Variants in ZC3H10 observed in about 807,000 individuals in gnomAD.
ZC3H10 encodes the protein zinc finger CCCH-type containing 10, also known as zinc finger CCCH domain-containing protein 10.
A neutral mutation model predicts 24.3 loss-of-function variants in ZC3H10; 12 were observed. The ratio of observed to expected loss-of-function variants is 0.49; its 90% CI spans 0.32 to 0.80. The LOEUF (loss-of-function observed/expected upper bound fraction) is 0.80. Among genes scored for constraint, ZC3H10 ranks in the 30% least tolerant of loss-of-function variants. The probability of loss-of-function intolerance (pLI) is 0.04; values close to 1 mark genes in which losing one functional copy is unlikely to be tolerated. For missense variants in ZC3H10, 360 were observed against 576.3 expected (o/e 0.62, Z 3.84); for synonymous variants, 226 against 217.0 (o/e 1.04, Z -0.36).
At chr12:56,120,422 A>G (rs779441426) in intron 2 of ZC3H10, 89 bp from the exon 3 acceptor site, 3 of 1,393,138 alleles carry the variant, frequency 2.2e-6, no homozygotes, top group Non-Finnish European at 2.8e-6. Context: ...CTCTAAAGCC[A>G]TTGCCCCTCT....
rs1869945712 is a variant in ZC3H10, at chr12:56,124,847, TA to T, written c.*2982del. On this transcript the variant is annotated 3_prime_UTR_variant, in exon 3 of 3. Coordinates refer to ENST00000257940, the MANE Select transcript of ZC3H10 (RefSeq NM_032786.3). ...CAATGTTAGAGATTTATATTAGCAA[TA>T]ATTCACATGAGAACAAACTGGGACT... 3 of 152,246 alleles carry T rather than the reference TA, an allele frequency of 2.0e-5. No individual in the cohort carries two copies. Among genetic ancestry groups the T allele is most frequent in the Non-Finnish European group, 4.4e-5 (3 of 68,036 alleles). 9.4% of individuals were successfully genotyped at this position (152,246 alleles called of 1,614,324 possible).
At position 56,123,935 on chromosome 12, in the gene ZC3H10, T is replaced by A. The variant is rs2136860173; in HGVS notation, c.*2068T>A. The A allele has an allele frequency of 6.6e-6, 1 of 151,254 alleles. No individual in the cohort carries two copies. Among genetic ancestry groups the A allele is most frequent in the East Asian group, 1.9e-4 (1 of 5,142 alleles). The allele number at this position is 151,254 out of a possible 1,614,324, so 9.4% of individuals were successfully genotyped here. A position where few individuals can be genotyped will look rare whatever the true frequency, so the allele number is the denominator to read the frequency against. On this transcript the variant is annotated 3_prime_UTR_variant, in exon 3 of 3. Coordinates refer to ENST00000257940, the MANE Select transcript of ZC3H10 (RefSeq NM_032786.3). ...ACACCTGGTAATTGAGCAAGTTGGG[T>A]TTAATGCTCATTGCAGTGAGGGGGA... is the stretch of plus-strand genomic sequence containing the variant.
chr12:56,120,574 G>A lies in ZC3H10; in HGVS notation c.12G>A (p.Arg4=), dbSNP rs1869779016. 1 of 1,548,568 alleles carries A rather than the reference G, an allele frequency of 6.5e-7. No homozygotes were observed. Among genetic ancestry groups the A allele is most frequent in the Admixed American group, 1.9e-5 (1 of 52,274 alleles). The change falls in exon 3 of 3, where the codon CGG becomes CGA. Residue 4 remains arginine, a synonymous_variant. Transcript: ENST00000257940. MPD[R]DSYANGTGSS... ...TGGGCGGGACCAGGATGCCTGACCG[G>A]GACAGCTATGCCAACGGTACCGGGA... is the stretch of plus-strand genomic sequence containing the variant.
rs763692695 is a variant in ZC3H10, at chr12:56,120,626, G to A, written c.64G>A (p.Gly22Ser). 1.0e-5 allele frequency: 16 copies of A among 1,599,272 alleles called. No homozygotes were observed. The highest frequency in any genetic ancestry group is 1.3e-5 in the Non-Finnish European group (15 of 1,171,822). Residue 22 changes from glycine (G) to serine (S), a missense_variant, in exon 3 of 3, where the codon GGC becomes AGC. Coordinates refer to ENST00000257940, the MANE Select transcript of ZC3H10 (RefSeq NM_032786.3). ...CAGCGGTGGAGGCCCTGGAGGTGGTGGCAGCGAGGAGGCCAGTGGGGCAGG... is the reference window on the plus strand; with the variant it reads ...CAGCGGTGGAGGCCCTGGAGGTGGTAGCAGCGAGGAGGCCAGTGGGGCAGG... The part of the protein sequence containing the change: ...GSSGGGPGGG[G>S]SEEASGAGVG...
Position 56,120,642 on chromosome 12 carries a change from G to T in ZC3H10, c.80G>T (p.Ser27Ile). The T allele has an allele frequency of 6.2e-7, 1 of 1,608,478 alleles. No homozygotes were observed. The highest frequency in any genetic ancestry group is 8.5e-7 in the Non-Finnish European group (1 of 1,176,686). ...GPGGGGSEEA[S>I]GAGVGSGGAS... is the part of the protein sequence containing the mutation. Reference sequence around the variant, plus strand: ...GGAGGTGGTGGCAGCGAGGAGGCCAGTGGGGCAGGGGTAGGCAGTGGCGGG... The same window carrying T: ...GGAGGTGGTGGCAGCGAGGAGGCCATTGGGGCAGGGGTAGGCAGTGGCGGG... Residue 27 changes from serine (S) to isoleucine (I), a missense_variant, in exon 3 of 3, where the codon AGT (serine) becomes ATT (isoleucine). By Grantham distance (142) the Ser-to-Ile change is moderately radical. Transcript: ENST00000257940.
intron 2 of ZC3H10, chr12:56,120,303 C>G (rs1335536655): frequency 5.1e-6 from 5 of 985,354 alleles, no homozygotes; most frequent in Non-Finnish European, 6.0e-6. Flanking sequence ...CCTCCGTTAG[C>G]CAGGCAAGTG....
rs528114045 is a variant in ZC3H10, at chr12:56,123,037, C to G, written c.*1170C>G. On this transcript the variant is annotated 3_prime_UTR_variant, in exon 3 of 3. Coordinates refer to ENST00000257940, the MANE Select transcript of ZC3H10 (RefSeq NM_032786.3). Reference sequence around the variant, plus strand: ...AAGAGAGTCCTTCTAGGGACACAAGCCTCAGGGTCCATCCCTTTCCTCTGT... The same window carrying G: ...AAGAGAGTCCTTCTAGGGACACAAGGCTCAGGGTCCATCCCTTTCCTCTGT... 6.6e-6 allele frequency: 1 copy of G among 152,346 alleles called. No individual in the cohort carries two copies. The highest frequency in any genetic ancestry group is 1.5e-5 in the Non-Finnish European group (1 of 68,066). 9.4% of individuals were successfully genotyped at this position (152,346 alleles called of 1,614,324 possible).
At position 56,125,128 on chromosome 12, in the gene ZC3H10, A is replaced by T. The variant is rs573519159; in HGVS notation, c.*3261A>T. On this transcript the variant is annotated 3_prime_UTR_variant, in exon 3 of 3. Coordinates refer to ENST00000257940, the MANE Select transcript of ZC3H10 (RefSeq NM_032786.3). ...TTGCTAGAAAAAAAAGGCTGGCAAG[A>T]GAAAGCTTCAAATAGAAGTCTTCAA... The T allele has an allele frequency of 6.6e-6, 1 of 152,284 alleles. No individual in the cohort carries two copies. The highest frequency in any genetic ancestry group is 2.4e-5 in the African/African-American group (1 of 41,552). The allele number at this position is 152,284 out of a possible 1,614,324, so 9.4% of individuals were successfully genotyped here.
rs1263530474 is a variant in ZC3H10, at chr12:56,126,466, TC to T, written c.*4601del. 6.6e-6 allele frequency: 1 copy of T among 152,150 alleles called. No homozygotes were observed. The highest frequency in any genetic ancestry group is 1.5e-5 in the Non-Finnish European group (1 of 68,024). The allele number at this position is 152,150 out of a possible 1,614,324, so 9.4% of individuals were successfully genotyped here. ...CTGGGCCCCAGCTGGGACAAGAACTTCCTGAGGATGAAGTTTTATCCCCTAT... is the reference window on the plus strand; with the variant it reads ...CTGGGCCCCAGCTGGGACAAGAACTTCTGAGGATGAAGTTTTATCCCCTAT... On this transcript the variant is annotated 3_prime_UTR_variant, in exon 3 of 3. Transcript: ENST00000257940.
chr12:56,126,584 A>G lies in ZC3H10; in HGVS notation c.*4717A>G, dbSNP rs938061594. The G allele has an allele frequency of 6.6e-6, 1 of 151,360 alleles. No homozygotes were observed. Among genetic ancestry groups the G allele is most frequent in the Non-Finnish European group, 1.5e-5 (1 of 67,904 alleles). 9.4% of individuals were successfully genotyped at this position (151,360 alleles called of 1,614,324 possible). A position where few individuals can be genotyped will look rare whatever the true frequency, so the allele number is the denominator to read the frequency against. On this transcript the variant is annotated 3_prime_UTR_variant, in exon 3 of 3. Transcript: ENST00000257940. ...CCTCTCCATTCCCCCATTCTCAGGAACCTCCTTGCCTACTCCAGTGCTTGG... is the reference window on the plus strand; with the variant it reads ...CCTCTCCATTCCCCCATTCTCAGGAGCCTCCTTGCCTACTCCAGTGCTTGG...
intron 2 of ZC3H10, chr12:56,120,175 A>G (rs1433025045): frequency 4.7e-5 from 47 of 1,010,072 alleles, no homozygotes; most frequent in Non-Finnish European, 5.6e-5. Flanking sequence ...TTCCTTCCAG[A>G]CTATTCAGAT....
rs533878519 is a variant in ZC3H10 at position 56,123,911 on chromosome 12, C to T, written c.*2044C>T. 4 of 152,190 alleles carry T rather than the reference C, an allele frequency of 2.6e-5. No individual in the cohort carries two copies. The highest frequency in any genetic ancestry group is 9.6e-5 in the African/African-American group (4 of 41,484). 9.4% of individuals were successfully genotyped at this position (152,190 alleles called of 1,614,324 possible). On this transcript the variant is annotated 3_prime_UTR_variant, in exon 3 of 3. Coordinates refer to ENST00000257940, the MANE Select transcript of ZC3H10 (RefSeq NM_032786.3). The stretch of plus-strand genomic sequence containing the variant: ...CTCCAGCTGAAGACCACCAAGAATA[C>T]ACCTGGTAATTGAGCAAGTTGGGTT...
rs920603266 is a variant in ZC3H10 at position 56,124,161 on chromosome 12, C to T, written c.*2294C>T. 7.2e-5 allele frequency: 11 copies of T among 152,268 alleles called. No individual in the cohort carries two copies. Among genetic ancestry groups the T allele is most frequent in the East Asian group, 5.8e-4 (3 of 5,186 alleles). 9.4% of individuals were successfully genotyped at this position (152,268 alleles called of 1,614,324 possible). ...GCAGACAAGTGAACCTAAGCACAGTCGATGATGAAGTCACTCACTAGCTGG... is the reference window on the plus strand; with the variant it reads ...GCAGACAAGTGAACCTAAGCACAGTTGATGATGAAGTCACTCACTAGCTGG... On this transcript the variant is annotated 3_prime_UTR_variant, in exon 3 of 3. Transcript: ENST00000257940.
At position 56,123,154 on chromosome 12, in the gene ZC3H10, T is replaced by C. The variant is rs577400739; in HGVS notation, c.*1287T>C. ...CCTCAGTTCCTCCTCAGCTCACGGC[T>C]GATGTAGGGAAAACAACTCAGGTGT... On this transcript the variant is annotated 3_prime_UTR_variant, in exon 3 of 3. Transcript: ENST00000257940. The C allele has an allele frequency of 1.3e-5, 2 of 152,212 alleles. No homozygotes were observed. Among genetic ancestry groups the C allele is most frequent in the Non-Finnish European group, 2.9e-5 (2 of 68,042 alleles). 9.4% of individuals were successfully genotyped at this position (152,212 alleles called of 1,614,324 possible).
At position 56,122,934 on chromosome 12, in the gene ZC3H10, A is replaced by AT. The variant is rs1869889792; in HGVS notation, c.*1068dup. The AT allele has an allele frequency of 6.6e-6, 1 of 152,300 alleles. No individual in the cohort carries two copies. The highest frequency in any genetic ancestry group is 2.1e-4 in the South Asian group (1 of 4,832). 9.4% of individuals were successfully genotyped at this position (152,300 alleles called of 1,614,324 possible). ...GTTGATGGCAGTTGCCGCTCAGTTG[A>AT]TGGCAGTTAATGTCCCTCCTACCCC... On this transcript the variant is annotated 3_prime_UTR_variant, in exon 3 of 3. Transcript: ENST00000257940.
chr12:56,121,914 CAG>C lies in ZC3H10; in HGVS notation c.*48_*49del, dbSNP rs758772134. The C allele has an allele frequency of 1.3e-4, 196 of 1,531,242 alleles. No individual in the cohort carries two copies. Among genetic ancestry groups the C allele is most frequent in the Non-Finnish European group, 1.6e-4 (178 of 1,136,552 alleles). 94.9% of individuals were successfully genotyped at this position (1,531,242 alleles called of 1,614,324 possible). On this transcript the variant is annotated 3_prime_UTR_variant, in exon 3 of 3. Coordinates refer to ENST00000257940, the MANE Select transcript of ZC3H10 (RefSeq NM_032786.3). This position sits in a 1 kb window ranked among gnomAD's most constrained non-coding sequence, Gnocchi z 6.2. ...TGGTATAGCCTCGCAGGGCTGGGGT[CAG>C]GGGGCCCTTGCCCACTCACCTAGCC...
In ZC3H10 at chr12:56,127,287, T is replaced by C. The variant is rs1356815906; in HGVS notation, c.*5420T>C. On this transcript the variant is annotated 3_prime_UTR_variant, in exon 3 of 3. Coordinates refer to ENST00000257940, the MANE Select transcript of ZC3H10 (RefSeq NM_032786.3). ...CACCTGACTGTATGGCAAACCTTCC[T>C]TCTAACTCAGGCAAATGTGAAAAGG... 6.6e-6 allele frequency: 1 copy of C among 152,236 alleles called. No homozygotes were observed. The highest frequency in any genetic ancestry group is 1.5e-5 in the Non-Finnish European group (1 of 68,044). 9.4% of individuals were successfully genotyped at this position (152,236 alleles called of 1,614,324 possible).
rs1869816768 is a variant in ZC3H10 at position 56,121,264 on chromosome 12, G to C, written c.702G>C (p.Gly234=). 1 of 1,613,252 alleles carries C rather than the reference G, an allele frequency of 6.2e-7. No individual in the cohort carries two copies. The highest frequency in any genetic ancestry group is 8.5e-7 in the Non-Finnish European group (1 of 1,180,018). ...SYEYSLAPPR[G]VECRLLEEEN... ...AATATAGTTTGGCTCCACCGCGAGG[G>C]GTGGAGTGCAGACTGCTAGAGGAGG... The change falls in exon 3 of 3, where the codon GGG becomes GGC. Residue 234 remains glycine, a synonymous_variant. Transcript: ENST00000257940. The surrounding 1 kb of genome is among the most constrained non-coding windows in gnomAD (Gnocchi z 6.2).
chr12:56,123,798 C>T lies in ZC3H10; in HGVS notation c.*1931C>T, dbSNP rs185300903. 6.6e-6 allele frequency: 1 copy of T among 152,074 alleles called. No individual in the cohort carries two copies. Among genetic ancestry groups the T allele is most frequent in the African/African-American group, 2.4e-5 (1 of 41,406 alleles). 9.4% of individuals were successfully genotyped at this position (152,074 alleles called of 1,614,324 possible). A position where few individuals can be genotyped will look rare whatever the true frequency, so the allele number is the denominator to read the frequency against. On this transcript the variant is annotated 3_prime_UTR_variant, in exon 3 of 3. Coordinates refer to ENST00000257940, the MANE Select transcript of ZC3H10 (RefSeq NM_032786.3). Reference sequence around the variant, plus strand: ...ACCAACATGAATTCTCAGTCAAATCCTGACTGACTTTATTTCCTCCTTGCC... The same window carrying T: ...ACCAACATGAATTCTCAGTCAAATCTTGACTGACTTTATTTCCTCCTTGCC...
Sources: allele counts gnomAD v4.1 joint callset, GRCh38; gene constraint gnomAD v4.1.1; non-coding constraint Gnocchi (gnomAD v3.1); transcripts MANE v1.5; gene names NCBI Gene and HGNC (gene_info 2026-07-23, HGNC 2026-07-21).